Variants in SEMA6D observed in about 807,000 individuals in gnomAD.
SEMA6D encodes the protein semaphorin-6D.
Under a neutral mutation model 106.6 loss-of-function variants are expected in SEMA6D, and 35 were observed. The ratio of observed to expected loss-of-function variants is 0.33; its 90% CI spans 0.25 to 0.44. The LOEUF (loss-of-function observed/expected upper bound fraction) is 0.44. SEMA6D is among the 20% of genes least tolerant of loss of function. SEMA6D has a pLI of 1.00. For missense variants in SEMA6D, 1,185 were observed against 1,345.9 expected (o/e 0.88, Z 1.87); for synonymous variants, 499 against 487.7 (o/e 1.02, Z -0.31).
intron 4 of SEMA6D, among the ~76,000 whole-genome samples, chr15:47,650,033 C>T (rs955212064): frequency 1.3e-5 from 2 of 152,194 alleles, no homozygotes; most frequent in African/African-American, 4.8e-5. Flanking sequence ...TCAGCTACCA[C>T]CACCTCTGCA....
At chr15:47,504,824 G>T (rs572214001) in intron 3 of SEMA6D, among the ~76,000 whole-genome samples, 78 of 152,208 alleles carry the variant, frequency 5.1e-4, no homozygotes, top group South Asian at 1.5e-3. Flanking sequence ...TCTTCGTCTG[G>T]TTTTACCAGT....
At chr15:47,751,595 AG>A (rs1387788782) in intron 1 of SEMA6D, among the ~76,000 whole-genome samples, 3 of 152,106 alleles carry the variant, frequency 2.0e-5, no homozygotes, top group Admixed American at 6.6e-5. Flanking sequence ...CAGCAGAAAA[AG>A]TCCATGCTCT....
intron 3 of SEMA6D, among the ~76,000 whole-genome samples, chr15:47,528,196 C>G (rs2044827357): frequency 6.6e-6 from 1 of 152,190 alleles, no homozygotes; most frequent in South Asian, 2.1e-4. Context: ...TTCAGCTCCT[C>G]CACACTTATT....
intron 4 of SEMA6D, among the ~76,000 whole-genome samples, chr15:47,675,421 C>T (rs1398799563): frequency 2.0e-5 from 3 of 152,028 alleles, no homozygotes; most frequent in Non-Finnish European, 4.4e-5. Flanking sequence ...AGGGCACACA[C>T]CGAGGAAAGG....
At chr15:47,212,472 G>A (rs984770787) in intron 1 of SEMA6D, among the ~76,000 whole-genome samples, 1 of 152,184 alleles carries the variant, frequency 6.6e-6, no homozygotes, top group African/African-American at 2.4e-5. Flanking sequence ...CGAGCATGAC[G>A]TATTGAGCAC....
chr15:47,275,111 G>C (rs1234289797), intron 1 of SEMA6D: 1 of 152,180 alleles, frequency 6.6e-6, no homozygotes. Flanking sequence ...AATGATGGCA[G>C]TGGTGGTCCA....
intron 1 of SEMA6D, among the ~76,000 whole-genome samples, chr15:47,245,041 T>C (rs2033126528): frequency 6.6e-6 from 1 of 151,392 alleles, no homozygotes; most frequent in African/African-American, 2.4e-5. Flanking sequence ...TTTTTTTTTT[T>C]CATGGCTGTG....
intron 1 of SEMA6D, among the ~76,000 whole-genome samples, chr15:47,250,254 G>A (rs2033435973): frequency 1.3e-5 from 2 of 151,970 alleles, no homozygotes; most frequent in African/African-American, 2.4e-5. Context: ...CACAGAAGTA[G>A]CACAGAACAA....
At position 47,761,330 on chromosome 15, in the gene SEMA6D, G is replaced by A. The variant is rs1394086093; in HGVS notation, c.346G>A (p.Asp116Asn). Residue 116 changes from aspartate (D) to asparagine (N), a missense_variant and splice_region_variant, in exon 6 of 19, where the codon GAT (aspartate) becomes AAT (asparagine). This residue lies in a region of SEMA6D where 144 missense variants were observed against 138.6 expected (regional missense o/e 1.04). Coordinates refer to ENST00000536845, the MANE Select transcript of SEMA6D (RefSeq NM_001358351.3). ...TTAATGTAACTACTACTTTCTTTAG[G>A]ATGAATGCCACAACTTTATCAAAGT... ...ENCAMKGKHK[D>N]ECHNFIKVFV... is the part of the protein sequence containing the mutation. The A allele has an allele frequency of 6.2e-7, 1 of 1,612,310 alleles. No individual in the cohort carries two copies.
chr15:47,350,704 A>G (rs1305809102), intron 1 of SEMA6D, among the ~76,000 whole-genome samples: 2 of 152,226 alleles, frequency 1.3e-5, no homozygotes, highest in Non-Finnish European at 2.9e-5. Flanking sequence ...GATAACTAGT[A>G]TTTTTAAAAG....
chr15:47,431,261 C>T (rs2041513263), intron 2 of SEMA6D, among the ~76,000 whole-genome samples: 1 of 152,018 alleles, frequency 6.6e-6, no homozygotes, highest in South Asian at 2.1e-4. Flanking sequence ...AATTGAATAT[C>T]ATTTTTATTT....
chr15:47,514,340 A>G (rs1271824074), intron 3 of SEMA6D, among the ~76,000 whole-genome samples: 1 of 152,116 alleles, frequency 6.6e-6, no homozygotes, highest in Non-Finnish European at 1.5e-5. Flanking sequence ...CATGGTTTCA[A>G]ATATCTTATG....
intron 1 of SEMA6D, among the ~76,000 whole-genome samples, chr15:47,192,708 A>G (rs1252966348): frequency 6.6e-6 from 1 of 152,214 alleles, no homozygotes; most frequent in Non-Finnish European, 1.5e-5. Context: ...CAGAAAAATG[A>G]ACATGTTAAA....
At position 47,773,623 on chromosome 15, in the gene SEMA6D, G is replaced by A. The variant is rs959363667; in HGVS notation, c.*1838G>A. 1 of 152,402 alleles carries A rather than the reference G, an allele frequency of 6.6e-6. No homozygotes were observed. The highest frequency in any genetic ancestry group is 6.5e-5 in the Admixed American group (1 of 15,272). 9.4% of individuals were successfully genotyped at this position (152,402 alleles called of 1,614,324 possible). A position where few individuals can be genotyped will look rare whatever the true frequency, so the allele number is the denominator to read the frequency against. On this transcript the variant is annotated 3_prime_UTR_variant, in exon 19 of 19. Transcript: ENST00000536845. ...AGACCAGATCATTTTTATACAGAAT[G>A]TGAAATACTGATACAGTTATTCTTT...
chr15:47,684,937 C>T (rs1487971084), intron 4 of SEMA6D, among the ~76,000 whole-genome samples: 7 of 152,004 alleles, frequency 4.6e-5, no homozygotes, highest in Non-Finnish European at 7.4e-5. Context: ...GGAAACTTAC[C>T]GTGGAAACCA....
intron 1 of SEMA6D, among the ~76,000 whole-genome samples, chr15:47,358,907 C>G (rs2038694274): frequency 6.6e-6 from 1 of 152,142 alleles, no homozygotes; most frequent in South Asian, 2.1e-4. Context: ...ATCCTTTGGT[C>G]CCCACTTTGC....
chr15:47,308,549 G>A (rs1233220952), intron 1 of SEMA6D, among the ~76,000 whole-genome samples: 1 of 152,096 alleles, frequency 6.6e-6, no homozygotes, highest in Non-Finnish European at 1.5e-5. Flanking sequence ...AACGAATCCC[G>A]TAAGACACAG....
intron 1 of SEMA6D, among the ~76,000 whole-genome samples, chr15:47,210,998 A>G (rs1468560066): frequency 6.6e-6 from 1 of 152,108 alleles, no homozygotes; most frequent in Non-Finnish European, 1.5e-5. Flanking sequence ...AAAGTAACAC[A>G]TGTATATAAT....
chr15:47,258,216 A>G (rs1332818240), intron 1 of SEMA6D, among the ~76,000 whole-genome samples: 1 of 152,214 alleles, frequency 6.6e-6, no homozygotes, highest in Non-Finnish European at 1.5e-5. Context: ...TGCAGTGCCA[A>G]TCTTTTTTTG....
Sources: allele counts gnomAD v4.1 joint callset (sites outside exome capture counted in the v4.1 genomes callset), GRCh38; gene constraint gnomAD v4.1.1; regional missense constraint gnomAD v4.1.1; transcripts MANE v1.5; gene names NCBI Gene and HGNC (gene_info 2026-07-23, HGNC 2026-07-21).